HIBADH: variants seen among roughly 807,000 people sequenced by gnomAD.
HIBADH encodes 3-hydroxyisobutyrate dehydrogenase, mitochondrial.
A neutral mutation model predicts 36.1 loss-of-function variants in HIBADH; 25 were observed. The ratio of observed to expected loss-of-function variants is 0.69; its 90% CI spans 0.50 to 0.97. The LOEUF is 0.97. Ranked by LOEUF, HIBADH falls within the 50% of genes least tolerant of loss-of-function variation. The probability of loss-of-function intolerance (pLI) is 0.00; values close to 1 mark genes in which losing one functional copy is unlikely to be tolerated. For missense variants in HIBADH, 421 were observed against 418.0 expected (o/e 1.01, Z -0.06); for synonymous variants, 160 against 149.5 (o/e 1.07, Z -0.51).
At chr7:27,658,897 G>A (rs981154850) in intron 1 of HIBADH, among the ~76,000 whole-genome samples, 1 of 151,932 alleles carries the variant, frequency 6.6e-6, no homozygotes, top group Non-Finnish European at 1.5e-5. Flanking sequence ...AGGCCTTTAC[G>A]GTTTCAGTCA....
At chr7:27,603,295 G>C (rs1394971367) in intron 4 of HIBADH, among the ~76,000 whole-genome samples, 1 of 152,046 alleles carries the variant, frequency 6.6e-6, no homozygotes, top group African/African-American at 2.4e-5. Flanking sequence ...GCTAACTCAG[G>C]TTGGGCACAA....
At chr7:27,557,429 TTATA>T (rs1784406197) in intron 4 of HIBADH, among the ~76,000 whole-genome samples, 1 of 152,186 alleles carries the variant, frequency 6.6e-6, no homozygotes, top group African/African-American at 2.4e-5. Flanking sequence ...TTAAACTATA[TTATA>T]TAGTTACATA....
At chr7:27,585,257 ACG>A (rs1417590976) in intron 4 of HIBADH, among the ~76,000 whole-genome samples, 22 of 114,498 alleles carry the variant, frequency 1.9e-4, no homozygotes, top group African/African-American at 7.7e-4. Flanking sequence ...ATATATACAC[ACG>A]TGTGTATGTA....
At chr7:27,562,820 T>C (rs1419513204) in intron 4 of HIBADH, among the ~76,000 whole-genome samples, 2 of 152,240 alleles carry the variant, frequency 1.3e-5, no homozygotes, top group Non-Finnish European at 2.9e-5. Flanking sequence ...AAGGATAACC[T>C]TTAGATGTTC....
rs918900090 is a variant in HIBADH at position 27,623,893 on chromosome 7, G to A, written c.484+5478C>T. On this transcript the variant is annotated intron_variant, in intron 4 of 7. Coordinates refer to ENST00000265395, the MANE Select transcript of HIBADH (RefSeq NM_152740.4). ...GCTCACTGCAACCTCTACCTCCCGA[G>A]CTCAAGTGATTCTCCCGCCTCAGCC... 2.6e-5 allele frequency among the ~76,000 whole-genome samples: 4 copies of A among 152,308 alleles called. No individual in the cohort carries two copies. In the Middle Eastern group the frequency reaches 0.01, roughly 389 times the overall value.
chr7:27,593,510 TTTC>T (rs746730308), intron 4 of HIBADH, among the ~76,000 whole-genome samples: 12 of 152,166 alleles, frequency 7.9e-5, no homozygotes, highest in Non-Finnish European at 1.2e-4. Flanking sequence ...AAAAAAGATA[TTTC>T]TTCAACATAA....
chr7:27,619,977 G>A (rs1320611461), intron 4 of HIBADH, among the ~76,000 whole-genome samples: 1 of 152,130 alleles, frequency 6.6e-6, no homozygotes, highest in Admixed American at 6.5e-5. Flanking sequence ...TTCCCAGAAA[G>A]ATACAATGCT....
At chr7:27,552,065 C>G in intron 4 of HIBADH, among the ~76,000 whole-genome samples, 3 of 152,274 alleles carry the variant, frequency 2.0e-5, no homozygotes, top group Middle Eastern at 6.8e-3. Flanking sequence ...AATATAATCC[C>G]GTGAAAGTAA....
At chr7:27,607,316 T>G (rs1189345763) in intron 4 of HIBADH, among the ~76,000 whole-genome samples, 1 of 152,160 alleles carries the variant, frequency 6.6e-6, no homozygotes, top group Non-Finnish European at 1.5e-5. Context: ...GAGGCCAGCC[T>G]GGCCAACACG....
chr7:27,526,585 T>A (rs974661063), intron 7 of HIBADH, among the ~76,000 whole-genome samples: 7 of 152,202 alleles, frequency 4.6e-5, no homozygotes, highest in African/African-American at 1.7e-4. Context: ...GAGTGTCTCT[T>A]CGATTTTTCC....
intron 6 of HIBADH, 26 bp from the exon 7 acceptor site, chr7:27,531,374 G>A: frequency 1.3e-6 from 2 of 1,587,764 alleles, no homozygotes; most frequent in Non-Finnish European, 1.7e-6. Flanking sequence ...GAAAAGAAGT[G>A]TTAAGTGTCA....
chr7:27,625,486 A>C (rs1161268726), intron 4 of HIBADH, among the ~76,000 whole-genome samples: 1 of 152,178 alleles, frequency 6.6e-6, no homozygotes, highest in Non-Finnish European at 1.5e-5. Flanking sequence ...TTAAAAAAAA[A>C]AGCATGGGAA....
intron 5 of HIBADH, among the ~76,000 whole-genome samples, chr7:27,542,512 C>T (rs149988701): frequency 0.016 from 1,924 of 122,726 alleles, 13 homozygotes; most frequent in Middle Eastern, 0.097. Context: ...GTGGCTCTAT[C>T]ATGGCTCACT....
intron 4 of HIBADH, among the ~76,000 whole-genome samples, chr7:27,555,442 C>CA (rs1312097340): frequency 6.6e-6 from 1 of 151,330 alleles, no homozygotes; most frequent in East Asian, 2.0e-4. Context: ...ACACTGAGTA[C>CA]AAAGACAAGA....
At chr7:27,554,549 C>T (rs1784364751) in intron 4 of HIBADH, among the ~76,000 whole-genome samples, 1 of 152,172 alleles carries the variant, frequency 6.6e-6, no homozygotes, top group South Asian at 2.1e-4. Context: ...ATCCCTATTC[C>T]CTGTCTAGTT....
chr7:27,526,811 G>C (rs901701761), intron 7 of HIBADH, among the ~76,000 whole-genome samples: 1 of 152,138 alleles, frequency 6.6e-6, no homozygotes, highest in Non-Finnish European at 1.5e-5. Context: ...GCCAGAAGCT[G>C]GGATAAAATG....
intron 4 of HIBADH, among the ~76,000 whole-genome samples, chr7:27,594,773 T>C (rs1268278491): frequency 1.3e-5 from 2 of 152,136 alleles, no homozygotes; most frequent in East Asian, 1.9e-4. Flanking sequence ...AACAATGAGA[T>C]ATCAACAGAG....
chr7:27,585,039 A>C (rs966139160), intron 4 of HIBADH, among the ~76,000 whole-genome samples: 3 of 152,044 alleles, frequency 2.0e-5, no homozygotes, highest in African/African-American at 7.2e-5. Context: ...TAAATTCTTA[A>C]AGTGGAATTA....
chr7:27,564,044 A>G (rs922116788), intron 4 of HIBADH, among the ~76,000 whole-genome samples: 1 of 151,662 alleles, frequency 6.6e-6, no homozygotes, highest in Non-Finnish European at 1.5e-5. Flanking sequence ...GACTACAGGC[A>G]CCTGCCACCA....
Sources: allele counts gnomAD v4.1 joint callset (sites outside exome capture counted in the v4.1 genomes callset), GRCh38; gene constraint gnomAD v4.1.1; transcripts MANE v1.5; gene names NCBI Gene and HGNC (gene_info 2026-07-23, HGNC 2026-07-21).